The following ARHGAP32 variants were observed in gnomAD, a reference collection of about 807,000 sequenced individuals.
The protein encoded by ARHGAP32 is rho GTPase-activating protein 32.
A neutral mutation model predicts 186.5 loss-of-function variants in ARHGAP32; 51 were observed. The observed-to-expected ratio is 0.27, with a 90% CI of 0.22 to 0.35. The LOEUF (loss-of-function observed/expected upper bound fraction) is 0.35. Among genes scored for constraint, ARHGAP32 ranks in the 10% least tolerant of loss-of-function variants. The probability of loss-of-function intolerance (pLI) is 1.00; values close to 1 mark genes in which losing one functional copy is unlikely to be tolerated. For missense variants in ARHGAP32, 2,186 were observed against 2,623.5 expected, an observed-to-expected ratio of 0.83 and a Z score of 3.64; for synonymous variants, 950 against 964.3, an observed-to-expected ratio of 0.99 and a Z score of 0.27.
At chr11:129,214,973 G>A (rs1384654017) in intron 1 of ARHGAP32, among the ~76,000 whole-genome samples, 1 of 152,170 alleles carries the variant, frequency 6.6e-6, no homozygotes, top group African/African-American at 2.4e-5. Context: ...ACTAAACCAA[G>A]TGAATTAAGA....
At chr11:129,207,279 G>T (rs7930563) in intron 1 of ARHGAP32, among the ~76,000 whole-genome samples, 43,139 of 152,044 alleles carry the variant, frequency 0.28, 6,461 homozygotes, top group Middle Eastern at 0.4. Context: ...GAGTCAAATG[G>T]CATTTCTGGT....
chr11:129,027,012 T>A (rs1024658777), intron 11 of ARHGAP32, among the ~76,000 whole-genome samples: 1 of 147,110 alleles, frequency 6.8e-6, no homozygotes, highest in Non-Finnish European at 1.5e-5. Context: ...GGCAGGAGAA[T>A]CTCTTGAACC....
intron 10 of ARHGAP32, among the ~76,000 whole-genome samples, chr11:129,048,375 G>A (rs746541709): frequency 6.6e-6 from 1 of 152,152 alleles, no homozygotes; most frequent in Non-Finnish European, 1.5e-5. Flanking sequence ...AGAGGAGGGT[G>A]TCCTGGCAAA....
chr11:129,005,066 G>T (rs963979495), intron 11 of ARHGAP32, among the ~76,000 whole-genome samples: 1 of 152,032 alleles, frequency 6.6e-6, no homozygotes, highest in Non-Finnish European at 1.5e-5. Context: ...AGTTTATCAT[G>T]AGGCTTGCAA....
At position 128,970,364 on chromosome 11, in the gene ARHGAP32, C is replaced by T. The variant is rs765594989; in HGVS notation, c.4849G>A (p.Glu1617Lys). The T allele has an allele frequency of 5.0e-6, 8 of 1,614,082 alleles. No homozygotes were observed. The East Asian group carries it at 1.6e-4, about 31-fold the overall frequency. The change falls in exon 23 of 23, where the codon GAA becomes AAA. Residue 1617 changes from glutamate (E) to lysine (K), a missense_variant. Glu to Lys is a moderately conservative substitution (Grantham distance 56). Around this residue, in one of 5 missense-constraint regions of ARHGAP32, gnomAD observed 1,502 missense variants for 1,570.0 expected, o/e 0.96. Coordinates refer to ENST00000682385, the MANE Select transcript of ARHGAP32 (RefSeq NM_001378024.1). This position sits in a 1 kb window ranked among gnomAD's most constrained non-coding sequence, Gnocchi z 5.8. The stretch of plus-strand genomic sequence containing the variant: ...GCTGGCTCATCATCTGGGGGAACTT[C>T]TGTCCGTGAAATGGGAACAGAGCGA... ...MIRSVPISRT[E>K]VPPDDEPAYC... is the part of the protein sequence containing the mutation.
chr11:129,192,256 C>A lies in ARHGAP32; in HGVS notation c.-58G>T. On this transcript the variant is annotated 5_prime_UTR_variant, in exon 1 of 23. An upstream start codon of the reference 5' UTR is lost. Coordinates refer to ENST00000682385, the MANE Select transcript of ARHGAP32 (RefSeq NM_001378024.1). ...CCAGGCATGGAATAAAAAGCACCAACATTCAGGTTGTTCAGCTCTACTCAT... is the reference window on the plus strand; with the variant it reads ...CCAGGCATGGAATAAAAAGCACCAAAATTCAGGTTGTTCAGCTCTACTCAT... 2 of 1,248,956 alleles carry A rather than the reference C, an allele frequency of 1.6e-6. No individual in the cohort carries two copies. Among genetic ancestry groups the A allele is most frequent in the Non-Finnish European group, 2.3e-6 (2 of 855,536 alleles). The allele number at this position is 1,248,956 out of a possible 1,614,324, so 77.4% of individuals were successfully genotyped here.
chr11:129,086,745 C>G (rs917536589), intron 6 of ARHGAP32, among the ~76,000 whole-genome samples: 1 of 147,840 alleles, frequency 6.8e-6, no homozygotes, highest in East Asian at 2.1e-4. Context: ...GGCGTGAACC[C>G]GGGAGGCAGA....
chr11:129,006,727 C>G (rs1348953530), intron 11 of ARHGAP32, among the ~76,000 whole-genome samples: 1 of 152,196 alleles, frequency 6.6e-6, no homozygotes, highest in Non-Finnish European at 1.5e-5. Flanking sequence ...TAACTGCTAC[C>G]TGGCTACTGC....
At chr11:129,134,747 C>T (rs1011514069) in intron 2 of ARHGAP32, among the ~76,000 whole-genome samples, 4 of 152,264 alleles carry the variant, frequency 2.6e-5, no homozygotes, top group African/African-American at 9.6e-5. Context: ...GAAGTGATTA[C>T]ATCATGATGG....
chr11:129,021,032 C>T (rs1041671468), intron 11 of ARHGAP32, among the ~76,000 whole-genome samples: 3 of 151,966 alleles, frequency 2.0e-5, no homozygotes, highest in Admixed American at 1.3e-4. Flanking sequence ...AACCAAGTAT[C>T]TCAGAAATTC....
intron 5 of ARHGAP32, among the ~76,000 whole-genome samples, chr11:129,117,620 A>G (rs1039634985): frequency 6.6e-6 from 1 of 152,020 alleles, no homozygotes; most frequent in African/African-American, 2.4e-5. Context: ...TACTTTTCCT[A>G]TTCCTTATTT....
At chr11:129,122,612 T>C (rs1439116858) in intron 5 of ARHGAP32, among the ~76,000 whole-genome samples, 1 of 152,142 alleles carries the variant, frequency 6.6e-6, no homozygotes, top group Non-Finnish European at 1.5e-5. Context: ...TTATTTGAAA[T>C]AGAAATGTCC....
chr11:129,146,350 T>C, intron 2 of ARHGAP32, among the ~76,000 whole-genome samples: 1 of 152,126 alleles, frequency 6.6e-6, no homozygotes, highest in East Asian at 1.9e-4. Context: ...GTGTGCCATT[T>C]CGAATAGTGC....
intron 11 of ARHGAP32, among the ~76,000 whole-genome samples, chr11:129,017,661 A>C (rs917393505): frequency 2.6e-5 from 4 of 152,164 alleles, no homozygotes; most frequent in African/African-American, 9.7e-5. Context: ...CTGTAGAATC[A>C]TCTGGATTTA....
At chr11:128,977,317 C>T (rs531057943) in intron 19 of ARHGAP32, among the ~76,000 whole-genome samples, 1 of 152,320 alleles carries the variant, frequency 6.6e-6, no homozygotes, top group South Asian at 2.1e-4. Flanking sequence ...TAAATATCTT[C>T]ATCCTCTTTA....
chr11:129,136,748 T>C (rs1165111640), intron 2 of ARHGAP32, among the ~76,000 whole-genome samples: 1 of 152,030 alleles, frequency 6.6e-6, no homozygotes, highest in African/African-American at 2.4e-5. Flanking sequence ...AGCATTAGAT[T>C]ATTGCAATAG....
At position 129,123,515 on chromosome 11, in the gene ARHGAP32, T is replaced by C. The variant is rs760189013; in HGVS notation, c.375A>G (p.Lys125=). 2 of 1,612,532 alleles carry C rather than the reference T, an allele frequency of 1.2e-6. No individual in the cohort carries two copies. Among genetic ancestry groups the C allele is most frequent in the Admixed American group, 3.3e-5 (2 of 59,898 alleles). Residue 125 remains lysine, a synonymous_variant, in exon 5 of 23, where the codon AAA becomes AAG. Transcript: ENST00000682385. This position sits in a 1 kb window ranked among gnomAD's most constrained non-coding sequence, Gnocchi z 4.6. ...CDNIHRLPFT[K]GHFPKMAECA... is the part of the protein sequence containing the mutation. ...ATTCAGCCATCTTCGGAAAGTGACC[T>C]TTAGTGAAGGGTAACCTGAAACACA...
chr11:129,111,789 TCA>T (rs904353743), intron 5 of ARHGAP32, among the ~76,000 whole-genome samples: 1 of 152,108 alleles, frequency 6.6e-6, no homozygotes, highest in African/African-American at 2.4e-5. Context: ...AGACAGAGTC[TCA>T]CTCTGTAGCC....
upstream of ARHGAP32, among the ~76,000 whole-genome samples, chr11:129,196,750 T>A (rs1405066579): frequency 6.6e-6 from 1 of 152,132 alleles, no homozygotes; most frequent in African/African-American, 2.4e-5. Context: ...ATCCAGTTCA[T>A]AAACTTGCAT....
Sources: gnomAD v4.1 joint callset for allele counts (sites outside exome capture counted in the v4.1 genomes callset) on GRCh38, gnomAD v4.1.1 for gene constraint, gnomAD v4.1.1 regional missense constraint, Gnocchi (gnomAD v3.1) non-coding constraint, MANE v1.5 for transcripts, NCBI Gene and HGNC (gene_info 2026-07-23, HGNC 2026-07-21) for gene names.